Variants in MTUS2 observed in about 807,000 individuals in gnomAD.
MTUS2 encodes microtubule-associated tumor suppressor candidate 2.
A neutral mutation model predicts 114.1 loss-of-function variants in MTUS2; 40 were observed. The observed-to-expected ratio is 0.35, with a 90% CI of 0.27 to 0.46. The LOEUF (loss-of-function observed/expected upper bound fraction) is 0.46. Among genes scored for constraint, MTUS2 ranks in the 20% least tolerant of loss-of-function variants. The pLI, the probability that MTUS2 is intolerant of heterozygous loss-of-function variation, is 1.00. For synonymous variants in MTUS2, 688 were observed against 672.0 expected (o/e 1.02, Z -0.37); for missense variants, 1,679 against 1,705.4 (o/e 0.98, Z 0.27).
intron 2 of MTUS2, among the ~76,000 whole-genome samples, chr13:28,859,853 G>A (rs1876862588): frequency 6.6e-6 from 1 of 152,142 alleles, no homozygotes; most frequent in Non-Finnish European, 1.5e-5. Context: ...GGCCCTTCCT[G>A]TAGCATCTTC....
intron 5 of MTUS2, among the ~76,000 whole-genome samples, chr13:29,220,088 C>T (rs541723444): frequency 1.3e-5 from 2 of 152,150 alleles, no homozygotes; most frequent in East Asian, 1.9e-4. Context: ...CTCCACCTCC[C>T]GGGTTCAAGC....
chr13:29,402,897 C>T (rs1874453297), intron 8 of MTUS2, among the ~76,000 whole-genome samples: 1 of 152,140 alleles, frequency 6.6e-6, no homozygotes, highest in Admixed American at 6.5e-5. Flanking sequence ...CCACCACGCC[C>T]AGCTAATTTT....
intron 5 of MTUS2, among the ~76,000 whole-genome samples, chr13:29,195,541 A>AAAAAAAAAT (rs1491075797): frequency 3.2e-4 from 2 of 6,300 alleles, no homozygotes; most frequent in East Asian, 0.021. Context: ...TTAATTCTGA[A>AAAAAAAAAT]AAAAAAAAAA....
chr13:29,281,595 C>A (rs535400992), intron 5 of MTUS2, 109 bp from the exon 6 acceptor site: 1 of 1,219,058 alleles, frequency 8.2e-7, no homozygotes, highest in Non-Finnish European at 1.2e-6. Flanking sequence ...AGAATCAGGT[C>A]AAGTTCTAAA....
intron 6 of MTUS2, among the ~76,000 whole-genome samples, chr13:29,323,151 G>A (rs1443419440): frequency 5.9e-5 from 9 of 152,152 alleles, no homozygotes; most frequent in Admixed American, 3.9e-4. Flanking sequence ...AAAGAAACAA[G>A]TAGAAGCTAT....
At chr13:28,995,113 A>G (rs892858090) in intron 2 of MTUS2, among the ~76,000 whole-genome samples, 1 of 152,214 alleles carries the variant, frequency 6.6e-6, no homozygotes, top group African/African-American at 2.4e-5. Flanking sequence ...TCAGCTTTCT[A>G]CATATGGCTA....
At chr13:28,851,728 G>A (rs78266239) in intron 2 of MTUS2, among the ~76,000 whole-genome samples, 7,699 of 150,720 alleles carry the variant, frequency 0.051, 270 homozygotes, top group African/African-American at 0.099. Flanking sequence ...TATGTTGAAG[G>A]GGCTTGTGCA....
chr13:29,285,653 T>C (rs184800375), intron 6 of MTUS2, among the ~76,000 whole-genome samples: 328 of 152,170 alleles, frequency 2.2e-3, no homozygotes, highest in Non-Finnish European at 3.1e-3. Context: ...TCTGGGAAGC[T>C]CTATGGGACA....
At chr13:29,488,611 C>T (rs1047920549) in intron 11 of MTUS2, among the ~76,000 whole-genome samples, 4 of 151,932 alleles carry the variant, frequency 2.6e-5, no homozygotes, top group African/African-American at 4.8e-5. Flanking sequence ...CTACCACACC[C>T]GGCTAGGCTT....
intron 1 of MTUS2, among the ~76,000 whole-genome samples, chr13:28,825,483 G>T (rs1006104506): frequency 6.6e-6 from 1 of 152,180 alleles, no homozygotes; most frequent in African/African-American, 2.4e-5. Context: ...GGGAACTGGG[G>T]TTGGTTAGGG....
chr13:28,956,701 A>G (rs1883084219), intron 2 of MTUS2, among the ~76,000 whole-genome samples: 1 of 152,180 alleles, frequency 6.6e-6, no homozygotes, highest in Non-Finnish European at 1.5e-5. Context: ...AGATAGAGGG[A>G]GTGAGGGAGC....
intron 7 of MTUS2, among the ~76,000 whole-genome samples, chr13:29,342,731 T>G (rs1255501686): frequency 6.6e-6 from 1 of 152,148 alleles, no homozygotes; most frequent in Non-Finnish European, 1.5e-5. Context: ...ATCCTTGACT[T>G]GTTCCAGTTC....
chr13:29,163,178 A>G (rs1306883735), intron 5 of MTUS2, among the ~76,000 whole-genome samples: 2 of 152,232 alleles, frequency 1.3e-5, no homozygotes, highest in African/African-American at 4.8e-5. Flanking sequence ...CTATTTTTAA[A>G]AGTTAAAAAT....
In MTUS2 at chr13:29,487,990, G is replaced by A. The variant is rs185151498; in HGVS notation, c.3490G>A (p.Asp1164Asn). Reference protein sequence around the residue: ...VAITILQDDHDHKVQELMSTH... With the variant: ...VAITILQDDHNHKVQELMSTH... ...CATCACAATCCTGCAGGATGACCACGACCACAAAGTCCAAGGTAGCTCCCA... is the reference window on the plus strand; with the variant it reads ...CATCACAATCCTGCAGGATGACCACAACCACAAAGTCCAAGGTAGCTCCCA... The change falls in exon 11 of 16, where the codon GAC becomes AAC. Residue 1164 changes from aspartate (D) to asparagine (N), a missense_variant. By Grantham distance (23) the Asp-to-Asn change is conservative (BLOSUM62 1). Around this residue, in one of 3 missense-constraint regions of MTUS2, gnomAD observed 822 missense variants for 899.7 expected, o/e 0.91. Coordinates refer to ENST00000612955, the MANE Select transcript of MTUS2 (RefSeq NM_001033602.4). The A allele has an allele frequency of 4.4e-5, 71 of 1,613,744 alleles. No individual in the cohort carries two copies. Among genetic ancestry groups the A allele is most frequent in the South Asian group, 4.1e-4 (37 of 91,058 alleles).
At chr13:28,881,770 T>A (rs1358462394) in intron 2 of MTUS2, among the ~76,000 whole-genome samples, 1 of 152,220 alleles carries the variant, frequency 6.6e-6, no homozygotes, top group Non-Finnish European at 1.5e-5. Context: ...CACTTGTATA[T>A]CTTCTTTTAA....
chr13:29,390,643 C>T (rs1189760298), intron 8 of MTUS2, among the ~76,000 whole-genome samples: 1 of 145,700 alleles, frequency 6.9e-6, no homozygotes, highest in African/African-American at 2.6e-5. Flanking sequence ...CAGGGCGAGA[C>T]TCCATCTCAA....
intron 5 of MTUS2, among the ~76,000 whole-genome samples, chr13:29,269,529 G>A (rs1208725173): frequency 6.6e-6 from 1 of 152,178 alleles, no homozygotes; most frequent in Non-Finnish European, 1.5e-5. Flanking sequence ...ACACCTGTTA[G>A]GATGGCTCTT....
At chr13:29,325,556 G>GA in intron 7 of MTUS2, among the ~76,000 whole-genome samples, 1 of 59,734 alleles carries the variant, frequency 1.7e-5, no homozygotes, top group African/African-American at 3.9e-5. Context: ...GAAGGAAGAA[G>GA]AGGAAGAAGA....
intron 5 of MTUS2, among the ~76,000 whole-genome samples, chr13:29,198,873 A>C (rs923739589): frequency 6.6e-6 from 1 of 151,852 alleles, no homozygotes; most frequent in Non-Finnish European, 1.5e-5. Context: ...CTGTTTGTCT[A>C]TTATTGATGT....
Sources: gnomAD v4.1 joint callset for allele counts (sites outside exome capture counted in the v4.1 genomes callset) on GRCh38, gnomAD v4.1.1 for gene constraint, gnomAD v4.1.1 regional missense constraint, MANE v1.5 for transcripts, NCBI Gene and HGNC (gene_info 2026-07-23, HGNC 2026-07-21) for gene names.